Variants in SLC16A2 observed in about 807,000 individuals in gnomAD.
SLC16A2 encodes solute carrier family 16 member 2, also known as monocarboxylate transporter 8.
Under a neutral mutation model 27.2 loss-of-function variants are expected in SLC16A2, and 3 were observed. That is an observed-to-expected ratio of 0.11 (90% CI 0.05 to 0.28). The LOEUF is 0.28. Among genes scored for constraint, SLC16A2 ranks in the 10% least tolerant of loss-of-function variants. SLC16A2 has a pLI of 1.00. For missense variants in SLC16A2, 295 were observed against 458.5 expected, an observed-to-expected ratio of 0.64 and a Z score of 3.26; for synonymous variants, 202 against 187.8, an observed-to-expected ratio of 1.08 and a Z score of -0.62.
intron 1 of SLC16A2, among the ~76,000 whole-genome samples, chrX:74,451,820 T>C (rs1928947725): frequency 8.8e-6 from 1 of 113,072 alleles, no homozygotes; most frequent in Non-Finnish European, 1.9e-5. Context: ...ACAGCAAATG[T>C]GCCACACTGA....
intron 1 of SLC16A2, among the ~76,000 whole-genome samples, chrX:74,429,941 T>C (rs142480632): frequency 1.1e-3 from 120 of 112,098 alleles, no homozygotes; most frequent in African/African-American, 3.6e-3. Flanking sequence ...TCCCTGCTAC[T>C]GGGAAAAAAA....
At chrX:74,476,633 T>C (rs1008389308) in intron 1 of SLC16A2, among the ~76,000 whole-genome samples, 3 of 111,932 alleles carry the variant, frequency 2.7e-5, no homozygotes, top group African/African-American at 9.8e-5. Context: ...ATAGCTCTTA[T>C]TATTTTGAGA....
intron 1 of SLC16A2, among the ~76,000 whole-genome samples, chrX:74,462,493 TA>T (rs1272525244): frequency 2.7e-5 from 3 of 111,501 alleles, no homozygotes; most frequent in Admixed American, 9.5e-5. Flanking sequence ...CTAATTTTTG[TA>T]TTTTCAGTAG....
intron 1 of SLC16A2, among the ~76,000 whole-genome samples, chrX:74,433,224 T>C (rs773895584): frequency 7.6e-4 from 84 of 110,176 alleles, no homozygotes; most frequent in Non-Finnish European, 1.6e-3. Context: ...ATATAAAAAT[T>C]AGCTGGGCGC....
At chrX:74,516,302 G>A (rs1168998512) in intron 1 of SLC16A2, among the ~76,000 whole-genome samples, 3 of 111,926 alleles carry the variant, frequency 2.7e-5, no homozygotes, top group East Asian at 5.6e-4. Context: ...ATCTGCCCAC[G>A]TTGGCCTCCC....
intron 1 of SLC16A2, among the ~76,000 whole-genome samples, chrX:74,448,828 CA>C (rs1928886228): frequency 9.1e-6 from 1 of 109,433 alleles, no homozygotes; most frequent in South Asian, 3.9e-4. Flanking sequence ...GCGTCATTCC[CA>C]TTACTATCAC....
chrX:74,474,472 CTTAGTGTT>C (rs1929423268), intron 1 of SLC16A2, among the ~76,000 whole-genome samples: 1 of 94,761 alleles, frequency 1.1e-5, no homozygotes, highest in Non-Finnish European at 2.0e-5. Context: ...TTGCAGATTC[CTTAGTGTT>C]TTTTTTTTTT....
intron 1 of SLC16A2, among the ~76,000 whole-genome samples, chrX:74,440,800 G>A (rs1344298121): frequency 1.2e-5 from 1 of 86,394 alleles, no homozygotes; most frequent in Non-Finnish European, 2.1e-5. Context: ...GAATAAATGA[G>A]GGTGTGTGTG....
At position 74,451,384 on chromosome X, in the gene SLC16A2, A is replaced by G. The variant is rs986716098; in HGVS notation, c.430+29317A>G. 6.2e-5 allele frequency among the ~76,000 whole-genome samples: 7 copies of G among 112,576 alleles called. No homozygotes were observed. In the East Asian group the frequency reaches 8.4e-4, roughly 13 times the overall value. On this transcript the variant is annotated intron_variant, in intron 1 of 5. Transcript: ENST00000587091. ...TACCTCCCTCCTCCTTGACACATAC[A>G]GTTAGGCTCCATGATCAAACATCAG...
At chrX:74,463,654 G>A (rs939085045) in intron 1 of SLC16A2, among the ~76,000 whole-genome samples, 8 of 110,638 alleles carry the variant, frequency 7.2e-5, no homozygotes, top group Non-Finnish European at 1.3e-4. Flanking sequence ...AGCCTCCCGA[G>A]TAGCTGGGAC....
chrX:74,431,774 A>T (rs1928538149), intron 1 of SLC16A2, among the ~76,000 whole-genome samples: 1 of 111,916 alleles, frequency 8.9e-6, no homozygotes, highest in South Asian at 3.7e-4. Flanking sequence ...TGAGTATGTG[A>T]AAGATCTTTG....
At chrX:74,469,629 G>T (rs770204862) in intron 1 of SLC16A2, among the ~76,000 whole-genome samples, 64 of 110,595 alleles carry the variant, frequency 5.8e-4, no homozygotes, top group Non-Finnish European at 1.1e-3. Flanking sequence ...CTTCTTTAAA[G>T]AAATGTCTAT....
At chrX:74,514,162 GA>G (rs928660196) in intron 1 of SLC16A2, among the ~76,000 whole-genome samples, 2 of 107,305 alleles carry the variant, frequency 1.9e-5, no homozygotes, top group Admixed American at 2.0e-4. Context: ...TGGGATCTAA[GA>G]AAAAACGTAA....
At chrX:74,527,907 G>C (rs1462743619) in intron 4 of SLC16A2, among the ~76,000 whole-genome samples, 1 of 111,961 alleles carries the variant, frequency 8.9e-6, no homozygotes, top group Non-Finnish European at 1.9e-5. Flanking sequence ...TCTTAGAGGA[G>C]AAGCTCAGGT....
chrX:74,530,095 T>C (rs1035182482), intron 5 of SLC16A2, among the ~76,000 whole-genome samples: 1 of 97,118 alleles, frequency 1.0e-5, no homozygotes, highest in East Asian at 3.1e-4. Flanking sequence ...TTTCTCTTTT[T>C]TTTTTTTTTT....
At chrX:74,475,004 A>G (rs1929439441) in intron 1 of SLC16A2, among the ~76,000 whole-genome samples, 8 of 111,290 alleles carry the variant, frequency 7.2e-5, no homozygotes. Flanking sequence ...CAGTAATGGG[A>G]TGGCTGGGTC....
chrX:74,450,448 G>A (rs181105856), intron 1 of SLC16A2, among the ~76,000 whole-genome samples: 1 of 111,384 alleles, frequency 9.0e-6, no homozygotes, highest in Admixed American at 9.5e-5. Flanking sequence ...TGATCTTTTA[G>A]GGGTCTTCCA....
intron 1 of SLC16A2, among the ~76,000 whole-genome samples, chrX:74,431,083 G>A (rs942034826): frequency 3.6e-5 from 4 of 112,628 alleles, no homozygotes; most frequent in Non-Finnish European, 3.7e-5. Context: ...CAGAACTACC[G>A]TTTGACCCAG....
intron 5 of SLC16A2, among the ~76,000 whole-genome samples, chrX:74,530,097 T>G (rs895314452): frequency 9.1e-5 from 9 of 98,615 alleles, no homozygotes; most frequent in Admixed American, 2.2e-4. Flanking sequence ...TCTCTTTTTT[T>G]TTTTTTTTTT....
Sources: allele counts gnomAD v4.1 joint callset (sites outside exome capture counted in the v4.1 genomes callset), GRCh38; gene constraint gnomAD v4.1.1; transcripts MANE v1.5; gene names NCBI Gene and HGNC (gene_info 2026-07-23, HGNC 2026-07-21).